SHLD2: variants seen among roughly 807,000 people sequenced by gnomAD.
The protein encoded by SHLD2 is RINN1-REV7-interacting novel NHEJ regulator 2.
In SHLD2, 30 loss-of-function variants were observed where a neutral mutation model predicts 73.2. The observed-to-expected ratio is 0.41, with a 90% confidence interval of 0.31 to 0.56. The LOEUF (loss-of-function observed/expected upper bound fraction) is 0.56. SHLD2 is among the 20% of genes least tolerant of loss of function. The pLI, the probability that SHLD2 is intolerant of heterozygous loss-of-function variation, is 0.28. For synonymous variants in SHLD2, 285 were observed against 370.1 expected (o/e 0.77, Z 2.64); for missense variants, 745 against 1,055.9 (o/e 0.71, Z 4.08).
intron 3 of SHLD2, among the ~76,000 whole-genome samples, chr10:87,156,645 A>G (rs1314919810): frequency 6.6e-6 from 1 of 152,186 alleles, no homozygotes; most frequent in Non-Finnish European, 1.5e-5. Context: ...CATCCCCTCC[A>G]TGCACCACTA....
chr10:87,172,488 A>G (rs1198042985), intron 6 of SHLD2, among the ~76,000 whole-genome samples: 1 of 152,158 alleles, frequency 6.6e-6, no homozygotes, highest in African/African-American at 2.4e-5. Context: ...GATATTCACT[A>G]CCAAAAATGT....
chr10:87,143,276 G>A (rs1471563851), intron 2 of SHLD2, among the ~76,000 whole-genome samples: 1 of 152,134 alleles, frequency 6.6e-6, no homozygotes, highest in South Asian at 2.1e-4. Context: ...CGTGGATGGG[G>A]AGGTGAAGTG....
At chr10:87,148,604 G>GT (rs1845797157) in intron 2 of SHLD2, among the ~76,000 whole-genome samples, 1 of 151,560 alleles carries the variant, frequency 6.6e-6, no homozygotes, top group Admixed American at 6.6e-5. Context: ...GTAGCTGAGC[G>GT]TGACAGTATG....
intron 2 of SHLD2, among the ~76,000 whole-genome samples, chr10:87,132,628 A>T (rs1175067223): frequency 1.3e-5 from 2 of 151,976 alleles, no homozygotes; most frequent in African/African-American, 4.8e-5. Flanking sequence ...TGAAAAATTA[A>T]CCAGGCTTGG....
intron 2 of SHLD2, among the ~76,000 whole-genome samples, chr10:87,133,977 C>T (rs988103840): frequency 1.3e-5 from 2 of 152,056 alleles, no homozygotes; most frequent in African/African-American, 2.4e-5. Flanking sequence ...AACAATGAGA[C>T]AAATACATTT....
intron 2 of SHLD2, among the ~76,000 whole-genome samples, chr10:87,134,841 C>A (rs572245958): frequency 8.3e-4 from 127 of 152,218 alleles, no homozygotes; most frequent in African/African-American, 3.0e-3. Flanking sequence ...TCATTTCAGG[C>A]CTTCACAGAA....
chr10:87,117,934 A>C (rs1298167125), intron 2 of SHLD2, among the ~76,000 whole-genome samples: 1 of 152,238 alleles, frequency 6.6e-6, no homozygotes, highest in African/African-American at 2.4e-5. Context: ...CCATCATCCA[A>C]TAAGTTTGAG....
At chr10:87,094,624 G>A, upstream of SHLD2, 2 of 1,609,886 alleles carry the variant, frequency 1.2e-6, no homozygotes, top group Non-Finnish European at 1.7e-6. This position sits in a 1 kb window ranked among gnomAD's most constrained non-coding sequence, Gnocchi z 6.6. Flanking sequence ...GTGGCGCCGG[G>A]CGGCCAATGC....
At chr10:87,187,680 G>A (rs547385540) in intron 9 of SHLD2, among the ~76,000 whole-genome samples, 130 of 152,272 alleles carry the variant, frequency 8.5e-4, no homozygotes, top group Non-Finnish European at 4.3e-4. Flanking sequence ...ATCTGGTTCC[G>A]TGATTGCTTT....
At chr10:87,117,659 G>A (rs921816285) in intron 2 of SHLD2, among the ~76,000 whole-genome samples, 27 of 152,088 alleles carry the variant, frequency 1.8e-4, no homozygotes, top group African/African-American at 5.8e-4. Context: ...GTCAGGTATG[G>A]TGGCATGCAC....
upstream of SHLD2, chr10:87,094,962 C>T (rs1220463392): frequency 1.1e-4 from 27 of 249,442 alleles, no homozygotes; most frequent in East Asian, 2.1e-3. This position sits in a 1 kb window ranked among gnomAD's most constrained non-coding sequence, Gnocchi z 6.6. Context: ...GGGCGCCGCC[C>T]AGGGCGCCGG....
chr10:87,163,791 C>T (rs1440071120), intron 4 of SHLD2, among the ~76,000 whole-genome samples: 5 of 149,946 alleles, frequency 3.3e-5, no homozygotes, highest in Non-Finnish European at 5.9e-5. Context: ...TAAATGGATA[C>T]AGAAATATAG....
chr10:87,148,742 C>G (rs191348826), intron 2 of SHLD2, among the ~76,000 whole-genome samples: 2 of 151,114 alleles, frequency 1.3e-5, no homozygotes, highest in Non-Finnish European at 2.9e-5. Context: ...GACCCTAACT[C>G]AAAAAATAAA....
chr10:87,170,673 G>GTAAA lies in SHLD2; in HGVS notation c.1828+4_1828+7dup. The GTAAA allele has an allele frequency of 6.2e-7, 1 of 1,600,686 alleles. No individual in the cohort carries two copies. Among genetic ancestry groups the GTAAA allele is most frequent in the African/African-American group, 1.3e-5 (1 of 74,116 alleles). On this transcript the variant is annotated splice_donor_variant, in intron 5 of 9. Coordinates refer to ENST00000298786, the MANE Select transcript of SHLD2 (RefSeq NM_001330112.2). LOFTEE classifies it high-confidence loss of function. ...GTTGTTGATTTCACTATACTGACAG[G>GTAAA]TAAATATTTTGACTGCCTCCTTAAT...
At chr10:87,103,992 G>A (rs1842432189) in intron 2 of SHLD2, among the ~76,000 whole-genome samples, 1 of 152,096 alleles carries the variant, frequency 6.6e-6, no homozygotes, top group Non-Finnish European at 1.5e-5. Context: ...CTAGCACTTT[G>A]GGAGGCTGAG....
At chr10:87,128,101 A>G (rs907895389) in intron 2 of SHLD2, among the ~76,000 whole-genome samples, 1 of 152,094 alleles carries the variant, frequency 6.6e-6, no homozygotes, top group Admixed American at 6.5e-5. Context: ...CAGTTTAATG[A>G]GTCAAGTGGT....
chr10:87,189,852 T>C lies in SHLD2; in HGVS notation c.2516-632T>C, dbSNP rs555011960. Among the ~76,000 whole-genome samples the C allele has an allele frequency of 5.5e-3, 840 of 152,252 alleles. 8 individuals carry two copies. Among genetic ancestry groups the C allele is most frequent in the African/African-American group, 0.019 (806 of 41,530 alleles). ...ATTCAAGATTCTTTTATATAAAAAA[T>C]GAATATATGCATAAGTAACTGTGAT... On this transcript the variant is annotated intron_variant, in intron 9 of 9. Transcript: ENST00000298786.
chr10:87,129,646 G>A (rs1844285465), intron 2 of SHLD2, among the ~76,000 whole-genome samples: 1 of 151,706 alleles, frequency 6.6e-6, no homozygotes, highest in Admixed American at 6.6e-5. Context: ...TTTTTTTCAT[G>A]GATGGAGTAT....
chr10:87,115,381 A>G (rs1412096262), intron 2 of SHLD2: 1 of 152,262 alleles, frequency 6.6e-6, no homozygotes, highest in East Asian at 1.9e-4. Flanking sequence ...GGGAATGGGT[A>G]GGAACACCTA....
Sources: allele counts gnomAD v4.1 joint callset (sites outside exome capture counted in the v4.1 genomes callset), GRCh38; gene constraint gnomAD v4.1.1; non-coding constraint Gnocchi (gnomAD v3.1); transcripts MANE v1.5; gene names NCBI Gene and HGNC (gene_info 2026-07-23, HGNC 2026-07-21).